The following TENM3 variants were observed in gnomAD, a reference collection of about 807,000 sequenced individuals.
TENM3 encodes teneurin-3.
Under a neutral mutation model 255.1 loss-of-function variants are expected in TENM3, and 63 were observed. That is an observed-to-expected ratio of 0.25 (90% CI 0.20 to 0.30). TENM3 has a LOEUF of 0.30. TENM3 is among the 10% of genes least tolerant of loss of function. The probability of loss-of-function intolerance (pLI) is 1.00; values close to 1 mark genes in which losing one functional copy is unlikely to be tolerated. For missense variants in TENM3, 2,929 were observed against 3,461.1 expected, an observed-to-expected ratio of 0.85 and a Z score of 3.86; for synonymous variants, 1,306 against 1,322.3, an observed-to-expected ratio of 0.99 and a Z score of 0.27.
intron 3 of TENM3, among the ~76,000 whole-genome samples, chr4:182,352,165 T>C (rs530091207): frequency 2.6e-5 from 4 of 151,538 alleles, no homozygotes; most frequent in Admixed American, 1.3e-4. Flanking sequence ...TCTGGCAAGA[T>C]GGAGGAGAAC....
chr4:182,630,038 C>T (rs1751211842), intron 5 of TENM3, among the ~76,000 whole-genome samples: 1 of 152,202 alleles, frequency 6.6e-6, no homozygotes, highest in Non-Finnish European at 1.5e-5. Flanking sequence ...AGCACTTTCT[C>T]TCCTTAACCC....
chr4:181,658,706 C>T, the TENM3 span, among the ~76,000 whole-genome samples: 10 of 152,204 alleles, frequency 6.6e-5, no homozygotes, highest in Non-Finnish European at 1.3e-4. Flanking sequence ...TAGCACCTCA[C>T]CTTCATTGTG....
At chr4:182,730,767 G>A (rs1760629900) in intron 15 of TENM3, 111 bp from the exon 16 acceptor site, 3 of 1,149,982 alleles carry the variant, frequency 2.6e-6, no homozygotes, top group Middle Eastern at 2.1e-4. Context: ...TCATATAAAA[G>A]TTGGGAGAAA....
chr4:181,906,854 C>G, the TENM3 span, among the ~76,000 whole-genome samples: 1 of 152,112 alleles, frequency 6.6e-6, no homozygotes, highest in African/African-American at 2.4e-5. Context: ...TAGGCTTCTT[C>G]TTGTTTTCTT....
At chr4:182,307,978 AG>A (rs1362283756) in intron 1 of TENM3, among the ~76,000 whole-genome samples, 4 of 152,204 alleles carry the variant, frequency 2.6e-5, no homozygotes, top group Non-Finnish European at 5.9e-5. Context: ...GGTCAGGAAG[AG>A]CTTTGGAAGA....
chr4:181,751,415 GAAA>G, the TENM3 span, among the ~76,000 whole-genome samples: 2 of 114,714 alleles, frequency 1.7e-5, no homozygotes, highest in African/African-American at 3.1e-5. Context: ...CCTTCCAAAG[GAAA>G]AAAAAAAAAA....
chr4:181,498,775 A>G, the TENM3 span, among the ~76,000 whole-genome samples: 1 of 152,146 alleles, frequency 6.6e-6, no homozygotes, highest in Admixed American at 6.5e-5. Flanking sequence ...ATTCAAGCAG[A>G]TGTTTAAATA....
At chr4:182,293,040 C>T (rs764529894) in intron 1 of TENM3, among the ~76,000 whole-genome samples, 1 of 152,218 alleles carries the variant, frequency 6.6e-6, no homozygotes, top group Non-Finnish European at 1.5e-5. Context: ...TGATTGCTTC[C>T]GTGTGTTGCA....
At chr4:181,677,086 G>A in the TENM3 span, among the ~76,000 whole-genome samples, 3 of 150,478 alleles carry the variant, frequency 2.0e-5, no homozygotes, top group African/African-American at 7.4e-5. Flanking sequence ...AATATTGGGA[G>A]TGCCTCAAAA....
chr4:181,956,295 T>C, the TENM3 span, among the ~76,000 whole-genome samples: 2 of 152,170 alleles, frequency 1.3e-5, no homozygotes, highest in African/African-American at 4.8e-5. Context: ...GACACAAATA[T>C]ATAGACCATA....
intron 1 of TENM3, among the ~76,000 whole-genome samples, chr4:182,268,405 A>T (rs1759381554): frequency 6.6e-6 from 1 of 152,194 alleles, no homozygotes; most frequent in Admixed American, 6.5e-5. Context: ...ACATTACAAA[A>T]GATGAGTCTT....
chr4:182,239,901 T>C (rs1579850165), upstream of TENM3, among the ~76,000 whole-genome samples: 1 of 152,250 alleles, frequency 6.6e-6, no homozygotes, highest in South Asian at 2.1e-4. Flanking sequence ...GGGTAATTAA[T>C]GCTAGATCAT....
At chr4:182,600,888 G>A (rs772234942) in intron 3 of TENM3, 36 bp from the exon 4 acceptor site, 1 of 1,032,638 alleles carries the variant, frequency 9.7e-7, no homozygotes, top group East Asian at 2.8e-5. Flanking sequence ...TATATAATGA[G>A]TTCTCTTTCT....
chr4:182,460,131 C>T (rs10009885), intron 3 of TENM3, among the ~76,000 whole-genome samples: 27,503 of 151,866 alleles, frequency 0.18, 2,571 homozygotes, highest in Middle Eastern at 0.28. Context: ...AGTGAAAACA[C>T]GCTGAAACGA....
the TENM3 span, among the ~76,000 whole-genome samples, chr4:182,124,400 CAT>C: frequency 2.6e-5 from 4 of 152,184 alleles, no homozygotes; most frequent in African/African-American, 9.7e-5. Flanking sequence ...TAGATAATTT[CAT>C]ATGTGAATCT....
chr4:181,564,828 G>A, the TENM3 span, among the ~76,000 whole-genome samples: 7 of 152,254 alleles, frequency 4.6e-5, no homozygotes, highest in African/African-American at 1.2e-4. Context: ...GTGAGTCACT[G>A]GCATTAGGCA....
chr4:182,411,394 G>A (rs895630045), intron 3 of TENM3, among the ~76,000 whole-genome samples: 1 of 152,170 alleles, frequency 6.6e-6, no homozygotes, highest in Non-Finnish European at 1.5e-5. Context: ...TCCCTCCTGG[G>A]ATCAAATGAG....
intron 3 of TENM3, among the ~76,000 whole-genome samples, chr4:182,582,855 T>C (rs1745634817): frequency 6.6e-6 from 1 of 152,208 alleles, no homozygotes; most frequent in African/African-American, 2.4e-5. Flanking sequence ...AAAGGCAAGC[T>C]CTTCCTTACA....
At chr4:182,659,884 A>G (rs12186317) in intron 6 of TENM3, among the ~76,000 whole-genome samples, 26,642 of 152,092 alleles carry the variant, frequency 0.18, 2,450 homozygotes, top group African/African-American at 0.19. Context: ...ACAATAGCAC[A>G]CAGAGACAAG....
Sources: gnomAD v4.1 joint callset for allele counts (sites outside exome capture counted in the v4.1 genomes callset) on GRCh38, gnomAD v4.1.1 for gene constraint, MANE v1.5 for transcripts, NCBI Gene and HGNC (gene_info 2026-07-23, HGNC 2026-07-21) for gene names.